Variants in TLR6 observed in about 807,000 individuals in gnomAD.
The protein encoded by TLR6 is toll like receptor 6.
In TLR6, 9 loss-of-function variants were observed where a neutral mutation model predicts 16.1. That is an observed-to-expected ratio of 0.56 (90% CI 0.34 to 0.98). TLR6 has a LOEUF of 0.98. Ranked by LOEUF, TLR6 falls within the 50% of genes least tolerant of loss-of-function variation. The pLI is 0.02. For synonymous variants in TLR6, 340 were observed against 338.6 expected, an observed-to-expected ratio of 1.00 and a Z score of -0.04; for missense variants, 786 against 921.0, an observed-to-expected ratio of 0.85 and a Z score of 1.90.
At chr4:38,827,349 T>G (rs747280185) in exon 2 of TLR6, 1 of 1,614,058 alleles carries the variant, frequency 6.2e-7, no homozygotes, top group Admixed American at 1.7e-5. Flanking sequence ...CACCACTCAC[T>G]CTGGACAAAG....
upstream of TLR6, among the ~76,000 whole-genome samples, chr4:38,857,220 G>T (rs1713022687): frequency 6.6e-6 from 1 of 151,972 alleles, no homozygotes; most frequent in Admixed American, 6.6e-5. Context: ...AGCTGGATGA[G>T]ATAGTTTAAA....
intron 1 of TLR6, among the ~76,000 whole-genome samples, chr4:38,833,243 G>A (rs985956364): frequency 1.3e-5 from 2 of 152,192 alleles, no homozygotes; most frequent in Non-Finnish European, 2.9e-5. Flanking sequence ...ATCTCCTGGA[G>A]GCTCAAGGAC....
chr4:38,863,925 T>C, the TLR6 span, among the ~76,000 whole-genome samples: 5 of 152,140 alleles, frequency 3.3e-5, no homozygotes, highest in African/African-American at 1.2e-4. Flanking sequence ...CCTCTGCCCA[T>C]CTCTCAGCCT....
At chr4:38,829,409 A>T (rs1387072598) in exon 2 of TLR6, 1 of 1,614,072 alleles carries the variant, frequency 6.2e-7, no homozygotes, top group Non-Finnish European at 8.5e-7. Flanking sequence ...TCTGGTTCCA[A>T]CTATTATGAT....
intron 1 of TLR6, among the ~76,000 whole-genome samples, chr4:38,854,532 T>C (rs1387573910): frequency 9.0e-6 from 1 of 111,556 alleles, no homozygotes; most frequent in Non-Finnish European, 2.2e-5. Context: ...AAGGCAAGAT[T>C]TTTTTTTCAC....
intron 1 of TLR6, among the ~76,000 whole-genome samples, chr4:38,848,027 A>AC (rs1712606140): frequency 6.6e-6 from 1 of 151,988 alleles, no homozygotes; most frequent in Non-Finnish European, 1.5e-5. Context: ...ACTGGGAGGC[A>AC]CCCCCCAGTA....
At chr4:38,845,479 C>G (rs530106308) in intron 1 of TLR6, among the ~76,000 whole-genome samples, 11 of 152,152 alleles carry the variant, frequency 7.2e-5, no homozygotes, top group Admixed American at 2.0e-4. Flanking sequence ...TCACAAGCAC[C>G]CTTAAAAGTG....
chr4:38,827,386 G>T lies in TLR6; in HGVS notation c.2088C>A (p.Tyr696Ter), dbSNP rs367923305. The T allele has an allele frequency of 1.9e-6, 3 of 1,614,056 alleles. No homozygotes were observed. Among genetic ancestry groups the T allele is most frequent in the South Asian group, 1.1e-5 (1 of 91,088 alleles). The change falls in exon 2 of 2, where the codon TAC becomes TAA. Residue 696 changes from tyrosine (Y) to a stop codon, truncating the protein, a stop_gained. Transcript: ENST00000436693. LOFTEE classifies it high-confidence loss of function. ...TGGGAGACAAAACAAAGATGGACTTGTAACTCTTCTCAATGCAGTTGATGA... is the reference window on the plus strand; with the variant it reads ...TGGGAGACAAAACAAAGATGGACTTTTAACTCTTCTCAATGCAGTTGATGA...
At chr4:38,845,768 G>A (rs6849400) in intron 1 of TLR6, among the ~76,000 whole-genome samples, 32,575 of 152,078 alleles carry the variant, frequency 0.21, 4,211 homozygotes, top group Non-Finnish European at 0.28. Flanking sequence ...CAACGTTTGT[G>A]GTAATTTGTT....
chr4:38,840,582 C>T (rs556893315), intron 1 of TLR6, among the ~76,000 whole-genome samples: 3 of 150,422 alleles, frequency 2.0e-5, no homozygotes, highest in South Asian at 4.2e-4. Context: ...TGCAATGAGC[C>T]GAGATCGCGC....
At chr4:38,848,714 A>G (rs1363941009) in intron 1 of TLR6, among the ~76,000 whole-genome samples, 2 of 152,234 alleles carry the variant, frequency 1.3e-5, no homozygotes, top group Non-Finnish European at 2.9e-5. Flanking sequence ...TGAAGTGAGA[A>G]GAGAAGTTTA....
At chr4:38,834,238 C>CA (rs1307822805) in intron 1 of TLR6, among the ~76,000 whole-genome samples, 18 of 107,392 alleles carry the variant, frequency 1.7e-4, no homozygotes, top group Admixed American at 5.1e-4. Flanking sequence ...AACTCCAGCT[C>CA]AAAAAAAAAA....
upstream of TLR6, among the ~76,000 whole-genome samples, chr4:38,857,249 C>T (rs564538569): frequency 1.3e-5 from 2 of 152,012 alleles, no homozygotes; most frequent in South Asian, 2.1e-4. Flanking sequence ...AGTATAGTTC[C>T]ACAATTTGGG....
chr4:38,834,573 G>A (rs984960596), intron 1 of TLR6, among the ~76,000 whole-genome samples: 2 of 152,136 alleles, frequency 1.3e-5, no homozygotes, highest in African/African-American at 2.4e-5. Context: ...ATTCAAAAAT[G>A]TTCTCTCTGA....
upstream of TLR6, among the ~76,000 whole-genome samples, chr4:38,861,087 C>T (rs1579266333): frequency 6.6e-6 from 1 of 152,028 alleles, no homozygotes; most frequent in East Asian, 1.9e-4. Flanking sequence ...GGAGGTGGTG[C>T]AGGTGTTCTT....
chr4:38,864,441 A>G, the TLR6 span, among the ~76,000 whole-genome samples: 1 of 152,242 alleles, frequency 6.6e-6, no homozygotes, highest in African/African-American at 2.4e-5. Context: ...ATACTAAAAA[A>G]TATATTCAAA....
At chr4:38,826,017 G>GATCCTAA (rs373682521) in exon 2 of TLR6, 1 of 151,680 alleles carries the variant, frequency 6.6e-6, no homozygotes, top group African/African-American at 2.4e-5. Flanking sequence ...CCCACCCTCG[G>GATCCTAA]ACTCCAGCAA....
chr4:38,868,094 C>G, the TLR6 span: 1 of 365,502 alleles, frequency 2.7e-6, no homozygotes, highest in South Asian at 1.9e-5. Flanking sequence ...TCCGGGTCCA[C>G]GCTCATGCAC....
At chr4:38,857,806 T>G (rs1420162635), upstream of TLR6, among the ~76,000 whole-genome samples, 1 of 152,208 alleles carries the variant, frequency 6.6e-6, no homozygotes, top group Non-Finnish European at 1.5e-5. Context: ...GGAAGTCTCC[T>G]CAGGCCTGGG....
Sources: allele counts gnomAD v4.1 joint callset (sites outside exome capture counted in the v4.1 genomes callset), GRCh38; gene constraint gnomAD v4.1.1; transcripts MANE v1.5; gene names NCBI Gene and HGNC (gene_info 2026-07-23, HGNC 2026-07-21).